Variants in DAB1 observed in about 807,000 individuals in gnomAD.
The protein encoded by DAB1 is DAB adaptor protein 1.
In DAB1, 15 loss-of-function variants were observed where a neutral mutation model predicts 64.6. The observed-to-expected ratio is 0.23, with a 90% CI of 0.16 to 0.36. The LOEUF is 0.36. Ranked by LOEUF, DAB1 falls within the 10% of genes least tolerant of loss-of-function variation. The probability of loss-of-function intolerance (pLI) is 1.00; values close to 1 mark genes in which losing one functional copy is unlikely to be tolerated. For missense variants in DAB1, 596 were observed against 706.7 expected, an observed-to-expected ratio of 0.84 and a Z score of 1.78; for synonymous variants, 235 against 251.9, an observed-to-expected ratio of 0.93 and a Z score of 0.64.
chr1:57,808,247 T>C (rs769106763), intron 6 of DAB1, among the ~76,000 whole-genome samples: 3 of 152,004 alleles, frequency 2.0e-5, no homozygotes, highest in Non-Finnish European at 4.4e-5. Flanking sequence ...TTTCACATGC[T>C]GTTTTCTCTC....
intron 3 of DAB1, among the ~76,000 whole-genome samples, chr1:57,144,938 T>C (rs1658969927): frequency 6.6e-6 from 1 of 152,160 alleles, no homozygotes; most frequent in Non-Finnish European, 1.5e-5. Context: ...ATATTATTTA[T>C]TCAAAAATAA....
At chr1:58,307,317 T>C (rs935399093) in intron 4 of DAB1, among the ~76,000 whole-genome samples, 1 of 152,194 alleles carries the variant, frequency 6.6e-6, no homozygotes, top group East Asian at 1.9e-4. Context: ...AGCCTGAAGA[T>C]GAGTGAAACT....
chr1:57,494,594 C>T (rs1380598914), intron 7 of DAB1, among the ~76,000 whole-genome samples: 1 of 152,214 alleles, frequency 6.6e-6, no homozygotes, highest in African/African-American at 2.4e-5. Flanking sequence ...ACATGGGCTG[C>T]TCCTCGAGGT....
At chr1:57,938,840 G>A (rs775201072) in intron 5 of DAB1, among the ~76,000 whole-genome samples, 1 of 151,932 alleles carries the variant, frequency 6.6e-6, no homozygotes, top group African/African-American at 2.4e-5. Context: ...CTAAAGGGCT[G>A]CCATCTGCCT....
At chr1:58,191,896 C>T (rs189478898) in intron 4 of DAB1, among the ~76,000 whole-genome samples, 2 of 152,014 alleles carry the variant, frequency 1.3e-5, no homozygotes, top group African/African-American at 2.4e-5. Context: ...TTAATTAATG[C>T]GTAAAAATAT....
chr1:57,812,763 A>C (rs542013979), intron 6 of DAB1, among the ~76,000 whole-genome samples: 48 of 152,376 alleles, frequency 3.2e-4, no homozygotes, highest in African/African-American at 1.2e-3. Flanking sequence ...TTCAATCAGC[A>C]AAAGGTTTTC....
At chr1:57,469,780 T>C (rs992296621) in intron 7 of DAB1, among the ~76,000 whole-genome samples, 1 of 152,220 alleles carries the variant, frequency 6.6e-6, no homozygotes, top group East Asian at 1.9e-4. Flanking sequence ...TTCTATGAGT[T>C]ATTTTGTAAA....
chr1:58,102,533 T>C (rs1651384181), intron 5 of DAB1, among the ~76,000 whole-genome samples: 2 of 152,302 alleles, frequency 1.3e-5, no homozygotes, highest in South Asian at 4.1e-4. Flanking sequence ...TCAAATGCTA[T>C]TTTTATATCA....
In DAB1 at chr1:57,232,284, C is replaced by CTTTTTTTT. The variant is rs74940041; in HGVS notation, c.67+58672_67+58679dup. 1.1e-3 allele frequency among the ~76,000 whole-genome samples: 92 copies of CTTTTTTTT among 81,700 alleles called. 10 individuals are homozygous for CTTTTTTTT. Among genetic ancestry groups the CTTTTTTTT allele is most frequent in the African/African-American group, 2.6e-3 (56 of 21,308 alleles). The allele number at this position is 81,700 out of a possible 152,430, so 53.6% of individuals were successfully genotyped here. ...TACCACTTCTCAAAGGCAGTGGCCACTTTTTTTTTTTTTTTTTTTTTGCAC... is the reference window on the plus strand; with the variant it reads ...TACCACTTCTCAAAGGCAGTGGCCACTTTTTTTTTTTTTTTTTTTTTTTTTTTTTGCAC... On this transcript the variant is annotated intron_variant, in intron 2 of 14. Transcript: ENST00000371236.
intron 6 of DAB1, among the ~76,000 whole-genome samples, chr1:57,759,800 G>A (rs530957693): frequency 8.1e-4 from 124 of 152,150 alleles, no homozygotes; most frequent in Non-Finnish European, 1.5e-3. Context: ...CCATGGTGGC[G>A]GTGAAGGAGG....
chr1:57,452,199 G>T (rs7546507), intron 7 of DAB1, among the ~76,000 whole-genome samples: 2 of 120,352 alleles, frequency 1.7e-5, no homozygotes, highest in Admixed American at 9.2e-5. Flanking sequence ...ACATGGTCTT[G>T]CTCTCTCACC....
intron 7 of DAB1, among the ~76,000 whole-genome samples, chr1:57,633,145 T>C (rs913687282): frequency 1.3e-5 from 2 of 152,218 alleles, no homozygotes; most frequent in African/African-American, 2.4e-5. Context: ...TCTGTCACTT[T>C]AGTTGTGGCT....
chr1:57,147,320 C>T (rs568442594), intron 2 of DAB1, among the ~76,000 whole-genome samples: 53 of 151,538 alleles, frequency 3.5e-4, no homozygotes, highest in African/African-American at 1.2e-3. Flanking sequence ...CTATTATAAG[C>T]CCAGTAAAAG....
intron 1 of DAB1, among the ~76,000 whole-genome samples, chr1:57,315,400 A>T (rs75398907): frequency 5.9e-5 from 9 of 152,316 alleles, no homozygotes; most frequent in Non-Finnish European, 1.3e-4. Flanking sequence ...CTCAAAGGGC[A>T]CACCTCAAAA....
intron 3 of DAB1, among the ~76,000 whole-genome samples, chr1:58,351,148 T>C (rs945001275): frequency 6.6e-6 from 1 of 152,216 alleles, no homozygotes; most frequent in African/African-American, 2.4e-5. Context: ...CAGTGGTTTG[T>C]AGTTCTCCTT....
intron 4 of DAB1, among the ~76,000 whole-genome samples, chr1:58,300,625 AGAGAGAGAGAGAGAGAGAGAGAGGAAGG>A (rs1557726120): frequency 2.7e-4 from 9 of 33,300 alleles, no homozygotes; most frequent in Non-Finnish European, 3.8e-4. Context: ...AGAGAGAGAG[AGAGAGAGAGAGAGAGAGAGAGAGGAAGG>A]AAGGAAGGAA....
chr1:57,379,338 C>T (rs942975849), intron 1 of DAB1, among the ~76,000 whole-genome samples: 6 of 152,138 alleles, frequency 3.9e-5, no homozygotes, highest in African/African-American at 1.2e-4. Context: ...TTAGTTCCAT[C>T]CCACTTCATT....
intron 7 of DAB1, among the ~76,000 whole-genome samples, chr1:57,433,992 C>T (rs1238877643): frequency 1.3e-5 from 2 of 151,970 alleles, no homozygotes; most frequent in Admixed American, 6.6e-5. Flanking sequence ...GCATTTGAAA[C>T]ATTAAATAAT....
At chr1:57,856,637 A>G (rs2101935133) in intron 1 of DAB1, among the ~76,000 whole-genome samples, 1 of 151,926 alleles carries the variant, frequency 6.6e-6, no homozygotes, top group African/African-American at 2.4e-5. Flanking sequence ...GGTGGTGCGC[A>G]CCTGTAATCT....
Sources: allele counts gnomAD v4.1 joint callset (sites outside exome capture counted in the v4.1 genomes callset), GRCh38; gene constraint gnomAD v4.1.1; transcripts MANE v1.5; gene names NCBI Gene and HGNC (gene_info 2026-07-23, HGNC 2026-07-21).